RNF180: variants seen among roughly 807,000 people sequenced by gnomAD.
RNF180 encodes ring finger protein 180.
Under a neutral mutation model 59.2 loss-of-function variants are expected in RNF180, and 38 were observed. That is an observed-to-expected ratio of 0.64 (90% CI 0.50 to 0.84). The LOEUF (loss-of-function observed/expected upper bound fraction) is 0.84. RNF180 is among the 40% of genes least tolerant of loss of function. The pLI is 0.00. For synonymous variants in RNF180, 262 were observed against 240.3 expected, an observed-to-expected ratio of 1.09 and a Z score of -0.84; for missense variants, 705 against 700.9, an observed-to-expected ratio of 1.01 and a Z score of -0.07.
intron 5 of RNF180, among the ~76,000 whole-genome samples, chr5:64,279,012 GT>G (rs777977969): frequency 3.9e-5 from 6 of 152,172 alleles, no homozygotes; most frequent in Non-Finnish European, 7.3e-5. Context: ...TTAACAAGTA[GT>G]GGTTGAAACC....
chr5:64,214,130 C>T lies in RNF180; in HGVS notation c.804C>T (p.Gly268=). The part of the protein sequence containing the change: ...LNETQPIDLS[G]LPLQSSKNSY... ...AAACACAGCCTATTGACCTTTCAGG[C>T]TTGCCTTTACAATCTAGTAAAAATA... Residue 268 remains glycine, a synonymous_variant, in exon 4 of 8, where the codon GGC becomes GGT. Coordinates refer to ENST00000389100, the MANE Select transcript of RNF180 (RefSeq NM_001113561.2). 1.9e-6 allele frequency: 3 copies of T among 1,614,098 alleles called. No homozygotes were observed. Among genetic ancestry groups the T allele is most frequent in the Non-Finnish European group, 2.5e-6 (3 of 1,179,990 alleles).
chr5:64,315,168 A>G (rs1005940184), intron 5 of RNF180, among the ~76,000 whole-genome samples: 20 of 152,218 alleles, frequency 1.3e-4, no homozygotes, highest in Non-Finnish European at 2.6e-4. Flanking sequence ...TGTTAATATC[A>G]TCACCAGTCA....
chr5:64,239,445 A>G (rs1363030047), intron 5 of RNF180, among the ~76,000 whole-genome samples: 1 of 152,160 alleles, frequency 6.6e-6, no homozygotes, highest in Non-Finnish European at 1.5e-5. Flanking sequence ...CCTGTCTGCT[A>G]GTAGATAATG....
chr5:64,301,647 T>C (rs191850231), intron 5 of RNF180, among the ~76,000 whole-genome samples: 4 of 151,774 alleles, frequency 2.6e-5, no homozygotes, highest in African/African-American at 9.6e-5. Context: ...AGTTGGAAAT[T>C]AAAGCTGCTT....
intron 5 of RNF180, among the ~76,000 whole-genome samples, chr5:64,218,590 G>T (rs542756152): frequency 6.6e-6 from 1 of 152,046 alleles, no homozygotes; most frequent in South Asian, 2.1e-4. Flanking sequence ...AAATCAGTCT[G>T]TTTATATTTA....
chr5:64,265,856 A>G (rs552787210), intron 5 of RNF180, among the ~76,000 whole-genome samples: 2 of 152,248 alleles, frequency 1.3e-5, no homozygotes, highest in Admixed American at 6.5e-5. Context: ...ATCCATGAGG[A>G]TGAGATGTTT....
chr5:64,367,656 G>A (rs760038145), intron 7 of RNF180, among the ~76,000 whole-genome samples: 2 of 151,580 alleles, frequency 1.3e-5, no homozygotes, highest in Non-Finnish European at 3.0e-5. Flanking sequence ...TAATACCCAG[G>A]TAAATGCAAC....
chr5:64,284,004 T>A (rs1248242482), intron 5 of RNF180, among the ~76,000 whole-genome samples: 1 of 152,174 alleles, frequency 6.6e-6, no homozygotes, highest in East Asian at 1.9e-4. Context: ...TATCTTTCAT[T>A]TTCATGTTTA....
At chr5:64,247,100 A>T (rs1263541937) in intron 5 of RNF180, among the ~76,000 whole-genome samples, 1 of 152,208 alleles carries the variant, frequency 6.6e-6, no homozygotes, top group Non-Finnish European at 1.5e-5. Context: ...CTGAGTATTG[A>T]TGGAACATAT....
intron 1 of RNF180, among the ~76,000 whole-genome samples, chr5:64,168,303 G>A (rs1227534202): frequency 6.6e-6 from 1 of 152,118 alleles, no homozygotes; most frequent in Non-Finnish European, 1.5e-5. Context: ...CCACTATTAA[G>A]GATATTTAAA....
chr5:64,248,161 GA>G (rs1194346520), intron 5 of RNF180, among the ~76,000 whole-genome samples: 1 of 152,140 alleles, frequency 6.6e-6, no homozygotes, highest in African/African-American at 2.4e-5. Context: ...AGCTCTAGAA[GA>G]AAACATAGGC....
intron 5 of RNF180, among the ~76,000 whole-genome samples, chr5:64,223,425 T>A (rs911761124): frequency 6.6e-6 from 1 of 152,048 alleles, no homozygotes. Flanking sequence ...CTTTGGGGAG[T>A]CATTATTCTG....
At chr5:64,169,967 A>G (rs1197068651) in intron 1 of RNF180, among the ~76,000 whole-genome samples, 1 of 152,284 alleles carries the variant, frequency 6.6e-6, no homozygotes, top group Non-Finnish European at 1.5e-5. Context: ...GTTCTCTTTA[A>G]TCTATGACAT....
intron 5 of RNF180, among the ~76,000 whole-genome samples, chr5:64,268,724 A>G (rs1485954279): frequency 6.6e-6 from 1 of 152,170 alleles, no homozygotes; most frequent in Admixed American, 6.6e-5. Flanking sequence ...GTTGTTGCTC[A>G]TCTACAGTGC....
At chr5:64,352,010 G>A (rs1222659717) in intron 7 of RNF180, among the ~76,000 whole-genome samples, 2 of 151,984 alleles carry the variant, frequency 1.3e-5, no homozygotes, top group Non-Finnish European at 2.9e-5. Context: ...GGTAGAATTC[G>A]GCTGTGAATC....
intron 5 of RNF180, among the ~76,000 whole-genome samples, chr5:64,297,917 G>C (rs899245246): frequency 6.6e-6 from 1 of 151,924 alleles, no homozygotes; most frequent in Admixed American, 6.6e-5. Context: ...TAACTTTTAA[G>C]TTCGGGGGTA....
At chr5:64,295,571 A>G (rs1025438573) in intron 5 of RNF180, among the ~76,000 whole-genome samples, 4 of 152,298 alleles carry the variant, frequency 2.6e-5, no homozygotes, top group Admixed American at 1.3e-4. Context: ...TCAGAAATCC[A>G]TGTCCTGATA....
intron 5 of RNF180, among the ~76,000 whole-genome samples, chr5:64,243,783 G>C (rs1485862667): frequency 1.3e-5 from 2 of 152,156 alleles, no homozygotes; most frequent in Non-Finnish European, 2.9e-5. Context: ...TGACCCCCGA[G>C]TCTCCTGACT....
chr5:64,244,798 A>G lies in RNF180; in HGVS notation c.1227+27402A>G, dbSNP rs182237939. 2.0e-4 allele frequency among the ~76,000 whole-genome samples: 31 copies of G among 152,324 alleles called. No homozygotes were observed. The East Asian group carries it at 6.0e-3, about 29-fold the overall frequency. ...AAGACACATAATCCTCAGATTCACC[A>G]AGGTTGAAATGAAGGAAAAAACGTT... On this transcript the variant is annotated intron_variant, in intron 5 of 7. Coordinates refer to ENST00000389100, the MANE Select transcript of RNF180 (RefSeq NM_001113561.2).
Sources: gnomAD v4.1 joint callset for allele counts (sites outside exome capture counted in the v4.1 genomes callset) on GRCh38, gnomAD v4.1.1 for gene constraint, MANE v1.5 for transcripts, NCBI Gene and HGNC (gene_info 2026-07-23, HGNC 2026-07-21) for gene names.